The following EYS variants were observed in gnomAD, a reference collection of about 807,000 sequenced individuals.
EYS encodes EGF-like photoreceptor maintenance factor, also known as protein eyes shut homolog.
In EYS, 250 loss-of-function variants were observed where a neutral mutation model predicts 282.1. The observed-to-expected ratio is 0.89, with a 90% confidence interval of 0.80 to 0.98. The LOEUF (loss-of-function observed/expected upper bound fraction) is 0.98, where lower values mean the gene tolerates loss of function less well. Ranked by LOEUF, EYS falls within the 50% of genes least tolerant of loss-of-function variation. EYS has a pLI of 0.00. For missense variants in EYS, 4,016 were observed against 3,709.0 expected (o/e 1.08, Z -2.15); for synonymous variants, 1,355 against 1,282.9 (o/e 1.06, Z -1.20).
chr6:64,999,770 G>A (rs1021507431), intron 13 of EYS, among the ~76,000 whole-genome samples: 1 of 152,166 alleles, frequency 6.6e-6, no homozygotes, highest in Non-Finnish European at 1.5e-5. Flanking sequence ...GCACTGACAA[G>A]CGCCGGCACG....
At chr6:63,874,511 GT>G (rs571599839) in intron 35 of EYS, among the ~76,000 whole-genome samples, 2 of 152,088 alleles carry the variant, frequency 1.3e-5, no homozygotes, top group Non-Finnish European at 2.9e-5. Context: ...CTTTAAAGTA[GT>G]TTTTTTCCAA....
At chr6:64,465,273 G>T (rs74744369) in intron 26 of EYS, among the ~76,000 whole-genome samples, 4 of 152,010 alleles carry the variant, frequency 2.6e-5, no homozygotes, top group Non-Finnish European at 5.9e-5. Flanking sequence ...AAAATTTTGT[G>T]TGGAGCCACA....
At chr6:64,721,363 A>G (rs1326688846) in intron 22 of EYS, among the ~76,000 whole-genome samples, 1 of 152,158 alleles carries the variant, frequency 6.6e-6, no homozygotes, top group Admixed American at 6.5e-5. Context: ...CTTTGCTGAG[A>G]AAGTATCTGA....
intron 2 of EYS, among the ~76,000 whole-genome samples, chr6:65,515,642 G>A (rs1767098310): frequency 6.6e-6 from 1 of 151,856 alleles, no homozygotes; most frequent in South Asian, 2.1e-4. Context: ...TCCTTTGTAG[G>A]GACATGGATG....
At chr6:64,115,788 CATG>C (rs1318730933) in intron 31 of EYS, among the ~76,000 whole-genome samples, 15 of 152,118 alleles carry the variant, frequency 9.9e-5, no homozygotes, top group Admixed American at 4.6e-4. Context: ...ATCAAAGAAA[CATG>C]ATATCACAAA....
chr6:64,036,550 A>G (rs757685839), intron 33 of EYS, among the ~76,000 whole-genome samples: 10 of 152,168 alleles, frequency 6.6e-5, no homozygotes, highest in Non-Finnish European at 1.2e-4. Flanking sequence ...GTGTTTAAGT[A>G]AGGAGACCAT....
At chr6:64,504,312 A>G (rs1043248337) in intron 26 of EYS, among the ~76,000 whole-genome samples, 6 of 152,190 alleles carry the variant, frequency 3.9e-5, no homozygotes, top group African/African-American at 9.7e-5. Context: ...AGGATATTTG[A>G]AAATCACCCT....
intron 11 of EYS, among the ~76,000 whole-genome samples, chr6:65,315,321 C>T (rs1769269800): frequency 1.3e-5 from 2 of 152,092 alleles, no homozygotes; most frequent in African/African-American, 2.4e-5. Context: ...ATAGAGAATA[C>T]TCTACTATAC....
At chr6:64,132,323 G>A (rs905707058) in intron 31 of EYS, among the ~76,000 whole-genome samples, 1 of 151,832 alleles carries the variant, frequency 6.6e-6, no homozygotes, top group Admixed American at 6.6e-5. Context: ...TCTTGGTGAA[G>A]GGACAGCAGT....
At chr6:64,504,392 C>A (rs1194758603) in intron 26 of EYS, among the ~76,000 whole-genome samples, 3 of 152,190 alleles carry the variant, frequency 2.0e-5, no homozygotes, top group Non-Finnish European at 4.4e-5. Flanking sequence ...AAGAACCCAT[C>A]TGACAATGTT....
At chr6:63,851,151 C>G (rs571478284) in intron 36 of EYS, among the ~76,000 whole-genome samples, 1 of 152,184 alleles carries the variant, frequency 6.6e-6, no homozygotes, top group Non-Finnish European at 1.5e-5. Flanking sequence ...GCACCCAATA[C>G]AGGATCATCC....
At chr6:64,963,797 T>C (rs2150107483) in intron 14 of EYS, among the ~76,000 whole-genome samples, 1 of 152,316 alleles carries the variant, frequency 6.6e-6, no homozygotes, top group African/African-American at 2.4e-5. Context: ...AGGAGTCTTT[T>C]GTATATCAAA....
chr6:64,153,651 A>G (rs1344358055), intron 31 of EYS, among the ~76,000 whole-genome samples: 1 of 152,206 alleles, frequency 6.6e-6, no homozygotes, highest in Non-Finnish European at 1.5e-5. Context: ...ATCAGACAAT[A>G]TCAAGAGCTG....
chr6:65,442,618 G>C (rs1427127169), intron 5 of EYS, among the ~76,000 whole-genome samples: 1 of 151,858 alleles, frequency 6.6e-6, no homozygotes, highest in African/African-American at 2.4e-5. Context: ...GCAGGGCTTA[G>C]TGGAGCATGC....
chr6:64,271,033 GTGTTAA>G (rs1767927207), intron 30 of EYS, among the ~76,000 whole-genome samples: 1 of 152,056 alleles, frequency 6.6e-6, no homozygotes, highest in Non-Finnish European at 1.5e-5. Flanking sequence ...CTATAATATT[GTGTTAA>G]CATACTACTT....
intron 12 of EYS, among the ~76,000 whole-genome samples, chr6:65,205,567 C>T (rs1464647103): frequency 6.6e-6 from 1 of 151,858 alleles, no homozygotes; most frequent in Non-Finnish European, 1.5e-5. Flanking sequence ...TAGACATTTA[C>T]AGAACATTCC....
At chr6:63,767,337 G>A (rs978308700) in intron 40 of EYS, among the ~76,000 whole-genome samples, 1 of 152,034 alleles carries the variant, frequency 6.6e-6, no homozygotes, top group Admixed American at 6.6e-5. Flanking sequence ...AAATCCCATG[G>A]CCTCTGCCAA....
intron 29 of EYS, among the ~76,000 whole-genome samples, chr6:64,315,917 G>A (rs576521246): frequency 8.5e-5 from 13 of 152,222 alleles, no homozygotes; most frequent in African/African-American, 2.9e-4. Context: ...TTCAACATAT[G>A]CAAATCAATA....
At chr6:64,191,333 A>G (rs1359760602) in intron 31 of EYS, among the ~76,000 whole-genome samples, 1 of 151,692 alleles carries the variant, frequency 6.6e-6, no homozygotes, top group East Asian at 1.9e-4. Context: ...AAAATTTATT[A>G]TTAATATTAT....
Sources: gnomAD v4.1 joint callset for allele counts (sites outside exome capture counted in the v4.1 genomes callset) on GRCh38, gnomAD v4.1.1 for gene constraint, MANE v1.5 for transcripts, NCBI Gene and HGNC (gene_info 2026-07-23, HGNC 2026-07-21) for gene names.